Variants in NRXN1 observed in about 807,000 individuals in gnomAD.
The protein encoded by NRXN1 is neurexin 1.
A neutral mutation model predicts 150.9 loss-of-function variants in NRXN1; 39 were observed. That is an observed-to-expected ratio of 0.26 (90% confidence interval 0.20 to 0.34). NRXN1 has a LOEUF of 0.34. Among genes scored for constraint, NRXN1 ranks in the 10% least tolerant of loss-of-function variants. NRXN1 has a pLI of 1.00. For missense variants in NRXN1, 1,815 were observed against 1,949.9 expected (o/e 0.93, Z 1.30); for synonymous variants, 924 against 757.0 (o/e 1.22, Z -3.62).
intron 18 of NRXN1, among the ~76,000 whole-genome samples, chr2:50,154,071 T>C (rs2058861928): frequency 6.6e-6 from 1 of 151,804 alleles, no homozygotes; most frequent in Non-Finnish European, 1.5e-5. Flanking sequence ...ACTCCAGAGA[T>C]TAAAAATAGT....
intron 5 of NRXN1, among the ~76,000 whole-genome samples, chr2:50,748,021 G>A (rs915494960): frequency 2.0e-5 from 3 of 152,146 alleles, no homozygotes; most frequent in African/African-American, 7.2e-5. Context: ...GCATGCACCA[G>A]ACATGATAAT....
intron 5 of NRXN1, among the ~76,000 whole-genome samples, chr2:50,668,210 C>G (rs1049192001): frequency 6.6e-6 from 1 of 151,850 alleles, no homozygotes; most frequent in African/African-American, 2.4e-5. Context: ...TTTCACAGAT[C>G]ATACACTATA....
At chr2:50,503,583 G>C (rs886928894) in intron 13 of NRXN1, among the ~76,000 whole-genome samples, 5 of 151,962 alleles carry the variant, frequency 3.3e-5, no homozygotes, top group African/African-American at 1.2e-4. Context: ...AAAAAAAATA[G>C]GAAAGAAGGG....
At chr2:50,927,402 A>G (rs535158254) in intron 2 of NRXN1, among the ~76,000 whole-genome samples, 2 of 152,156 alleles carry the variant, frequency 1.3e-5, no homozygotes, top group African/African-American at 4.8e-5. Context: ...TTGGTTTTCC[A>G]GAGTTTATTT....
At chr2:50,140,191 A>G (rs1331677968) in intron 18 of NRXN1, among the ~76,000 whole-genome samples, 3 of 152,180 alleles carry the variant, frequency 2.0e-5, no homozygotes, top group Non-Finnish European at 4.4e-5. Flanking sequence ...TAAAATGATT[A>G]TTATTAACAT....
intron 2 of NRXN1, among the ~76,000 whole-genome samples, chr2:50,958,812 G>C (rs1692689891): frequency 6.6e-6 from 1 of 152,084 alleles, no homozygotes; most frequent in Admixed American, 6.6e-5. Flanking sequence ...TTCAGCAGCT[G>C]TGTGATCTCA....
chr2:50,899,617 T>C (rs1290744670), intron 5 of NRXN1, among the ~76,000 whole-genome samples: 1 of 152,168 alleles, frequency 6.6e-6, no homozygotes, highest in Admixed American at 6.5e-5. Flanking sequence ...AAAGCCTTCC[T>C]TGAAGAGAGA....
At chr2:50,963,374 C>T (rs1215237580) in intron 2 of NRXN1, among the ~76,000 whole-genome samples, 9 of 151,538 alleles carry the variant, frequency 5.9e-5, no homozygotes, top group Admixed American at 4.6e-4. Flanking sequence ...TCACTTTCCT[C>T]CTTTCATTCC....
At chr2:50,334,508 G>A (rs1190463637) in intron 17 of NRXN1, among the ~76,000 whole-genome samples, 4 of 152,028 alleles carry the variant, frequency 2.6e-5, no homozygotes, top group African/African-American at 9.7e-5. Flanking sequence ...TCCCTTGCTG[G>A]AAAATGTATC....
rs553578006 is a variant in NRXN1, at chr2:50,238,677, A to C, written c.3365-1707T>G. Among the ~76,000 whole-genome samples the C allele has an allele frequency of 2.2e-4, 33 of 152,184 alleles. No individual in the cohort carries two copies. The South Asian group carries it at 6.2e-3, about 29-fold the overall frequency. ...CACATTTGTGTACATTTAATTAAAC[A>C]GCTGACAATATTGATTTTGTGGCCA... On this transcript the variant is annotated intron_variant, in intron 17 of 22. Transcript: ENST00000401669.
intron 18 of NRXN1, among the ~76,000 whole-genome samples, chr2:50,098,018 T>C (rs922319047): frequency 7.9e-5 from 12 of 152,052 alleles, no homozygotes; most frequent in Non-Finnish European, 1.5e-4. Context: ...AGATGGCCTA[T>C]AATGGTAAGA....
At chr2:50,010,147 G>T (rs1236756955) in intron 21 of NRXN1, among the ~76,000 whole-genome samples, 1 of 124,414 alleles carries the variant, frequency 8.0e-6, no homozygotes, top group African/African-American at 3.3e-5. Flanking sequence ...ACGAACTCAA[G>T]TTAAAAAAAA....
At chr2:50,785,243 CTTTTTTTTTT>C (rs35158893) in intron 5 of NRXN1, among the ~76,000 whole-genome samples, 3 of 106,066 alleles carry the variant, frequency 2.8e-5, no homozygotes, top group African/African-American at 1.0e-4. Context: ...AGAAAATACA[CTTTTTTTTTT>C]TTTTTTTTTT....
intron 5 of NRXN1, among the ~76,000 whole-genome samples, chr2:50,908,423 G>A (rs927034668): frequency 2.7e-5 from 4 of 150,760 alleles, no homozygotes; most frequent in African/African-American, 9.7e-5. Context: ...GGCATTAACA[G>A]AAGTATTATT....
intron 5 of NRXN1, among the ~76,000 whole-genome samples, chr2:50,787,301 T>C (rs567303612): frequency 6.6e-6 from 1 of 152,048 alleles, no homozygotes; most frequent in Non-Finnish European, 1.5e-5. Flanking sequence ...GGCTCATGCC[T>C]GTAATCCCAA....
intron 21 of NRXN1, among the ~76,000 whole-genome samples, chr2:50,051,592 G>T (rs1288470902): frequency 6.6e-6 from 1 of 151,984 alleles, no homozygotes; most frequent in Admixed American, 6.6e-5. Context: ...CATTAGCAAA[G>T]AATGTTAAAT....
chr2:50,119,977 T>G (rs541585850), intron 18 of NRXN1, among the ~76,000 whole-genome samples: 20 of 152,200 alleles, frequency 1.3e-4, no homozygotes, highest in Non-Finnish European at 2.5e-4. Flanking sequence ...AGAAGGAGCC[T>G]GTGATAGTTT....
At chr2:49,944,612 A>T (rs949243805) in intron 21 of NRXN1, among the ~76,000 whole-genome samples, 3 of 152,212 alleles carry the variant, frequency 2.0e-5, no homozygotes, top group Non-Finnish European at 4.4e-5. Flanking sequence ...CACACTGATA[A>T]GCACGAAAAG....
intron 8 of NRXN1, among the ~76,000 whole-genome samples, chr2:50,570,101 T>G (rs1670434551): frequency 6.6e-6 from 1 of 152,188 alleles, no homozygotes. Flanking sequence ...ATGCCTCTAC[T>G]GTAGAATATT....
Sources: allele counts gnomAD v4.1 joint callset (sites outside exome capture counted in the v4.1 genomes callset), GRCh38; gene constraint gnomAD v4.1.1; transcripts MANE v1.5; gene names NCBI Gene and HGNC (gene_info 2026-07-23, HGNC 2026-07-21).